The following UBE2E3 variants were observed in gnomAD, a reference collection of about 807,000 sequenced individuals.
UBE2E3 encodes ubiquitin conjugating enzyme E2 E3.
In UBE2E3, 5 loss-of-function variants were observed where a neutral mutation model predicts 23.6. The observed-to-expected ratio is 0.21, with a 90% CI of 0.11 to 0.44. The LOEUF (loss-of-function observed/expected upper bound fraction) is 0.44. Among genes scored for constraint, UBE2E3 ranks in the 20% least tolerant of loss-of-function variants. The pLI is 0.99. For missense variants in UBE2E3, 81 were observed against 249.8 expected, an observed-to-expected ratio of 0.32 and a Z score of 4.55; for synonymous variants, 78 against 87.5, an observed-to-expected ratio of 0.89 and a Z score of 0.60.
At chr2:181,019,420 CT>C (rs2105621842) in intron 3 of UBE2E3, among the ~76,000 whole-genome samples, 1 of 152,282 alleles carries the variant, frequency 6.6e-6, no homozygotes, top group Non-Finnish European at 1.5e-5. Flanking sequence ...GTAATATAAA[CT>C]TTTAAACTTT....
intron 3 of UBE2E3, among the ~76,000 whole-genome samples, chr2:180,987,718 T>C (rs1335538697): frequency 6.6e-6 from 1 of 152,158 alleles, no homozygotes; most frequent in African/African-American, 2.4e-5. Flanking sequence ...ATCTCTAGAT[T>C]CCTCATTAGC....
At chr2:181,044,357 C>T (rs1318414827) in intron 3 of UBE2E3, among the ~76,000 whole-genome samples, 3 of 151,872 alleles carry the variant, frequency 2.0e-5, no homozygotes, top group Non-Finnish European at 2.9e-5. Flanking sequence ...AATCTCTAAG[C>T]GATAAATATA....
chr2:181,034,329 A>G (rs192046583), intron 3 of UBE2E3, among the ~76,000 whole-genome samples: 11 of 152,356 alleles, frequency 7.2e-5, no homozygotes, highest in Admixed American at 2.6e-4. Context: ...CATATACACC[A>G]TGGAATACTG....
intron 3 of UBE2E3, among the ~76,000 whole-genome samples, chr2:181,027,615 A>G (rs186492179): frequency 2.5e-4 from 38 of 152,026 alleles, no homozygotes; most frequent in Admixed American, 7.9e-4. Flanking sequence ...AAGGTCCTTA[A>G]TAAAACAGTA....
At chr2:180,980,401 C>G (rs1264918193), upstream of UBE2E3, 1 of 151,582 alleles carries the variant, frequency 6.6e-6, no homozygotes, top group African/African-American at 2.4e-5. This position sits in a 1 kb window ranked among gnomAD's most constrained non-coding sequence, Gnocchi z 5.5. Context: ...GCCAGCCCGC[C>G]GGGTCCCCGC....
chr2:180,987,177 C>T (rs933480168), intron 3 of UBE2E3, among the ~76,000 whole-genome samples: 5 of 152,088 alleles, frequency 3.3e-5, no homozygotes, highest in Admixed American at 6.6e-5. Flanking sequence ...TTATTGGTTT[C>T]AGTTTATGCT....
At chr2:181,019,898 C>T (rs1685619861) in intron 3 of UBE2E3, among the ~76,000 whole-genome samples, 2 of 151,888 alleles carry the variant, frequency 1.3e-5, no homozygotes, top group African/African-American at 4.8e-5. Context: ...GTGTATGATA[C>T]AATATTGTTA....
intron 3 of UBE2E3, among the ~76,000 whole-genome samples, chr2:181,051,156 T>C (rs1415422044): frequency 1.3e-5 from 2 of 151,878 alleles, no homozygotes; most frequent in African/African-American, 4.8e-5. Flanking sequence ...ATGTGGGATC[T>C]TTTTTATGTT....
rs116626654 is a variant in UBE2E3, at chr2:181,037,125, G to A, written c.246-20568G>A. 2.3e-3 allele frequency among the ~76,000 whole-genome samples: 349 copies of A among 152,298 alleles called. 1 individual carries two copies. Among genetic ancestry groups the A allele is most frequent in the African/African-American group, 7.5e-3 (312 of 41,564 alleles). ...TCACCTAATTGAGGTTGTAGTCATC[G>A]TAGCATCGTCAGACAGTGCATTACT... On this transcript the variant is annotated intron_variant, in intron 3 of 5. Transcript: ENST00000410062.
intron 3 of UBE2E3, among the ~76,000 whole-genome samples, chr2:180,993,265 A>G (rs991187311): frequency 5.3e-5 from 8 of 152,188 alleles, no homozygotes; most frequent in South Asian, 2.1e-4. Flanking sequence ...TCCTTGATGT[A>G]TATAATACTT....
intron 3 of UBE2E3, among the ~76,000 whole-genome samples, chr2:181,034,599 C>T (rs551823631): frequency 1.2e-4 from 18 of 152,128 alleles, no homozygotes; most frequent in Non-Finnish European, 2.6e-4. Flanking sequence ...ATGGGTGCAG[C>T]ACACCAACAT....
At chr2:181,037,941 C>G (rs1271897970) in intron 3 of UBE2E3, among the ~76,000 whole-genome samples, 1 of 152,134 alleles carries the variant, frequency 6.6e-6, no homozygotes, top group Non-Finnish European at 1.5e-5. Context: ...GCACTCTGGT[C>G]TGAGTGACAA....
At chr2:181,033,017 A>G (rs1198240284) in intron 3 of UBE2E3, among the ~76,000 whole-genome samples, 6 of 152,212 alleles carry the variant, frequency 3.9e-5, no homozygotes, top group African/African-American at 9.6e-5. Context: ...CCACTGCTCA[A>G]CGAAATAAAA....
At position 181,035,144 on chromosome 2, in the gene UBE2E3, CTG is replaced by C. The variant is rs564270493; in HGVS notation, c.246-22547_246-22546del. On this transcript the variant is annotated intron_variant, in intron 3 of 5. Transcript: ENST00000410062. The stretch of plus-strand genomic sequence containing the variant: ...ATTAATGTACATTACAGCAAAATAA[CTG>C]TTTTGTTTTAATATTTATATGCATT... Among the ~76,000 whole-genome samples, 39 of 152,210 alleles carry C rather than the reference CTG, an allele frequency of 2.6e-4. 2 individuals are homozygous for C. Among genetic ancestry groups the C allele is most frequent in the Middle Eastern group, 6.8e-3 (2 of 294 alleles).
chr2:181,016,940 C>G (rs947556632), intron 3 of UBE2E3, among the ~76,000 whole-genome samples: 14 of 152,256 alleles, frequency 9.2e-5, no homozygotes, highest in African/African-American at 3.4e-4. Context: ...AAGTTAGAAG[C>G]CAGAGCCTGG....
intron 3 of UBE2E3, among the ~76,000 whole-genome samples, chr2:181,041,658 G>A (rs911465115): frequency 1.3e-5 from 2 of 151,040 alleles, no homozygotes; most frequent in African/African-American, 4.9e-5. Context: ...GGCTGGTCTC[G>A]AACTCCTGAC....
chr2:181,061,878 T>G lies in UBE2E3; in HGVS notation c.527-913T>G, dbSNP rs1444700328. 2.6e-5 allele frequency among the ~76,000 whole-genome samples: 4 copies of G among 151,482 alleles called. No individual in the cohort carries two copies. The East Asian group carries it at 7.8e-4, about 29-fold the overall frequency. Reference sequence around the variant, plus strand: ...TCGGCAGAGATACATATGCAATAGATAGTGACAGATGGATATTCATTGTGG... The same window carrying G: ...TCGGCAGAGATACATATGCAATAGAGAGTGACAGATGGATATTCATTGTGG... On this transcript the variant is annotated intron_variant, in intron 5 of 5. Coordinates refer to ENST00000410062, the MANE Select transcript of UBE2E3 (RefSeq NM_006357.4).
chr2:180,995,382 G>A (rs921817410), intron 3 of UBE2E3, among the ~76,000 whole-genome samples: 10 of 152,110 alleles, frequency 6.6e-5, no homozygotes, highest in African/African-American at 2.4e-4. Context: ...TACTGTAAAT[G>A]TATTTTATCT....
upstream of UBE2E3, chr2:180,980,504 G>C (rs555242261): frequency 1.6e-3 from 238 of 149,028 alleles, 1 homozygote; most frequent in African/African-American, 5.3e-3. The surrounding 1 kb of genome is among the most constrained non-coding windows in gnomAD (Gnocchi z 5.5). Flanking sequence ...CGCGGGAACA[G>C]CTCGCGCCCG....
Sources: allele counts gnomAD v4.1 joint callset (sites outside exome capture counted in the v4.1 genomes callset), GRCh38; gene constraint gnomAD v4.1.1; non-coding constraint Gnocchi (gnomAD v3.1); transcripts MANE v1.5; gene names NCBI Gene and HGNC (gene_info 2026-07-23, HGNC 2026-07-21).